Variants in DCLK1 observed in about 807,000 individuals in gnomAD.
DCLK1 encodes serine/threonine-protein kinase DCLK1.
A neutral mutation model predicts 86.2 loss-of-function variants in DCLK1; 16 were observed. That is an observed-to-expected ratio of 0.19 (90% CI 0.13 to 0.28). The LOEUF (loss-of-function observed/expected upper bound fraction) is 0.28. Ranked by LOEUF, DCLK1 falls within the 10% of genes least tolerant of loss-of-function variation. DCLK1 has a pLI of 1.00. For synonymous variants in DCLK1, 369 were observed against 370.5 expected (o/e 1.00, Z 0.05); for missense variants, 590 against 940.2 (o/e 0.63, Z 4.87).
chr13:35,928,266 T>G lies in DCLK1; in HGVS notation c.823+19092A>C, dbSNP rs571858467. Among the ~76,000 whole-genome samples the G allele has an allele frequency of 5.9e-5, 9 of 152,254 alleles. No individual in the cohort carries two copies. In the South Asian group the frequency reaches 1.9e-3, roughly 32 times the overall value. On this transcript the variant is annotated intron_variant, in intron 4 of 16. Transcript: ENST00000360631. ...CTTAACCTATGAAGTCTGGGCCGAC[T>G]CCTGGTAGTTGGTGTTGGAACTGCC...
intron 4 of DCLK1, among the ~76,000 whole-genome samples, chr13:35,887,355 T>G (rs941655637): frequency 1.3e-5 from 2 of 152,204 alleles, no homozygotes; most frequent in Admixed American, 1.3e-4. Flanking sequence ...AGTGGGTCTT[T>G]AAGTACAAGG....
chr13:36,099,733 T>C (rs751837219), intron 3 of DCLK1, among the ~76,000 whole-genome samples: 1 of 152,214 alleles, frequency 6.6e-6, no homozygotes. Flanking sequence ...TTGATCCAAT[T>C]TGGCAAAACC....
chr13:35,954,164 T>C (rs1463272234), intron 3 of DCLK1, among the ~76,000 whole-genome samples: 1 of 152,094 alleles, frequency 6.6e-6, no homozygotes, highest in Non-Finnish European at 1.5e-5. Flanking sequence ...GTTCTGTAGC[T>C]AACAGTTTAA....
At chr13:35,993,582 A>G (rs1463017818) in intron 3 of DCLK1, among the ~76,000 whole-genome samples, 2 of 151,884 alleles carry the variant, frequency 1.3e-5, no homozygotes, top group African/African-American at 4.8e-5. Flanking sequence ...TCTCATCCTC[A>G]GTTTCCGCAT....
chr13:35,965,155 G>C (rs1311492791), intron 3 of DCLK1, among the ~76,000 whole-genome samples: 1 of 152,142 alleles, frequency 6.6e-6, no homozygotes, highest in Admixed American at 6.5e-5. Flanking sequence ...ACAGTCTTCT[G>C]AACACTGGGC....
chr13:36,071,862 C>T (rs142176396), intron 3 of DCLK1, among the ~76,000 whole-genome samples: 47 of 152,222 alleles, frequency 3.1e-4, no homozygotes, highest in African/African-American at 1.1e-3. Context: ...AATTCAAACA[C>T]AACAGAACTC....
chr13:35,814,864 T>G (rs1273666552), intron 11 of DCLK1, among the ~76,000 whole-genome samples: 1 of 152,216 alleles, frequency 6.6e-6, no homozygotes, highest in Non-Finnish European at 1.5e-5. Flanking sequence ...TGTATCATAT[T>G]ACCATAAAGA....
At chr13:35,973,636 A>T (rs907902545) in intron 3 of DCLK1, among the ~76,000 whole-genome samples, 1 of 152,240 alleles carries the variant, frequency 6.6e-6, no homozygotes, top group Non-Finnish European at 1.5e-5. Flanking sequence ...TGAATAAATG[A>T]ATGAATGACA....
chr13:35,890,465 T>C (rs558897891), intron 4 of DCLK1, among the ~76,000 whole-genome samples: 2 of 152,326 alleles, frequency 1.3e-5, no homozygotes, highest in East Asian at 1.9e-4. Flanking sequence ...AATGGATATA[T>C]AGTAATTTAC....
At chr13:35,799,253 T>G (rs1260653127) in intron 15 of DCLK1, among the ~76,000 whole-genome samples, 5 of 136,868 alleles carry the variant, frequency 3.7e-5, no homozygotes, top group South Asian at 2.3e-4. Context: ...CTCAGTTGTT[T>G]TTTTTTTGTT....
intron 9 of DCLK1, 94 bp downstream of exon 9, chr13:35,828,156 C>A: frequency 9.4e-7 from 1 of 1,058,696 alleles, no homozygotes; most frequent in South Asian, 1.4e-5. Context: ...AAATTCAACC[C>A]TTAGGGTGAA....
chr13:35,822,015 A>C (rs1033998516), intron 11 of DCLK1, among the ~76,000 whole-genome samples: 3 of 152,018 alleles, frequency 2.0e-5, no homozygotes, highest in Non-Finnish European at 4.4e-5. Context: ...TTAAAAACCA[A>C]TTATAATTTT....
intron 4 of DCLK1, among the ~76,000 whole-genome samples, chr13:35,925,707 T>C (rs1375166479): frequency 6.6e-6 from 1 of 152,228 alleles, no homozygotes; most frequent in African/African-American, 2.4e-5. Flanking sequence ...CTTTTGTGTG[T>C]TTGGTTGTTG....
chr13:35,961,992 T>G (rs973961487), intron 3 of DCLK1, among the ~76,000 whole-genome samples: 1 of 152,244 alleles, frequency 6.6e-6, no homozygotes, highest in African/African-American at 2.4e-5. Flanking sequence ...AGCCATAAAC[T>G]TCTTTTTGAA....
chr13:36,016,043 T>C (rs1171002), intron 3 of DCLK1, among the ~76,000 whole-genome samples: 150,003 of 152,256 alleles, frequency 0.99, 73,920 homozygotes, highest in South Asian at 1. Context: ...AGAAGGCTAG[T>C]GCATGGACAA....
At chr13:35,904,757 A>C (rs1332381296) in intron 4 of DCLK1, among the ~76,000 whole-genome samples, 1 of 152,176 alleles carries the variant, frequency 6.6e-6, no homozygotes, top group Non-Finnish European at 1.5e-5. Context: ...TGGTTTCCCA[A>C]ATTAGTCTCA....
rs1424846435 is a variant in DCLK1 at position 35,828,144 on chromosome 13, C to A, written c.1287+106G>T. On this transcript the variant is annotated intron_variant, in intron 9 of 16. Transcript: ENST00000360631. Reference sequence around the variant, plus strand: ...GTAAGTGTATAACATTCTATTCCACCAAAATTCAACCCTTAGGGTGAACTT... The same window carrying A: ...GTAAGTGTATAACATTCTATTCCACAAAAATTCAACCCTTAGGGTGAACTT... The A allele has an allele frequency of 3.3e-6, 3 of 919,088 alleles. No homozygotes were observed. The East Asian group carries it at 7.3e-5, about 22-fold the overall frequency. 56.9% of individuals were successfully genotyped at this position (919,088 alleles called of 1,614,324 possible).
intron 2 of DCLK1, 128 bp downstream of exon 2, chr13:36,125,633 GA>G: frequency 7.4e-7 from 1 of 1,350,646 alleles, no homozygotes; most frequent in South Asian, 1.5e-5. Flanking sequence ...TCGTATGTCT[GA>G]AACTATAAGG....
chr13:35,870,750 G>A (rs912221965), intron 5 of DCLK1, among the ~76,000 whole-genome samples: 5 of 152,072 alleles, frequency 3.3e-5, no homozygotes, highest in African/African-American at 1.2e-4. Context: ...TCAGGCCAAG[G>A]TCACTGCAGC....
Sources: allele counts gnomAD v4.1 joint callset (sites outside exome capture counted in the v4.1 genomes callset), GRCh38; gene constraint gnomAD v4.1.1; transcripts MANE v1.5; gene names NCBI Gene and HGNC (gene_info 2026-07-23, HGNC 2026-07-21).